The following CRIM1 variants were observed in gnomAD, a reference collection of about 807,000 sequenced individuals.
CRIM1 encodes cysteine rich transmembrane BMP regulator 1.
A neutral mutation model predicts 116.4 loss-of-function variants in CRIM1; 32 were observed. The ratio of observed to expected loss-of-function variants is 0.27; its 90% CI spans 0.21 to 0.37. CRIM1 has a LOEUF of 0.37. Ranked by LOEUF, CRIM1 falls within the 10% of genes least tolerant of loss-of-function variation. The pLI, the probability that CRIM1 is intolerant of heterozygous loss-of-function variation, is 1.00. For synonymous variants in CRIM1, 590 were observed against 509.2 expected (o/e 1.16, Z -2.13); for missense variants, 1,331 against 1,354.8 (o/e 0.98, Z 0.28).
intron 6 of CRIM1, 36 bp from the exon 7 acceptor site, chr2:36,479,461 T>C (rs777708693): frequency 6.3e-7 from 1 of 1,593,614 alleles, no homozygotes; most frequent in Non-Finnish European, 8.6e-7. Context: ...ATTTAGAAGA[T>C]GCTCAGTCTA....
chr2:36,457,673 G>A, intron 4 of CRIM1, among the ~76,000 whole-genome samples: 1 of 152,070 alleles, frequency 6.6e-6, no homozygotes, highest in Non-Finnish European at 1.5e-5. Context: ...AACTTTCATA[G>A]GGAGGAGTGC....
chr2:36,517,369 T>G lies in CRIM1; in HGVS notation c.2033T>G (p.Ile678Ser). 6.2e-7 allele frequency: 1 copy of G among 1,614,180 alleles called. No individual in the cohort carries two copies. The highest frequency in any genetic ancestry group is 8.5e-7 in the Non-Finnish European group (1 of 1,180,016). ...AAGCCAGAGCTCAGTACTCCCTCCATTTGCCACGCCCCTGGAGGAGAATAC... is the reference window on the plus strand; with the variant it reads ...AAGCCAGAGCTCAGTACTCCCTCCAGTTGCCACGCCCCTGGAGGAGAATAC... Reference protein sequence around the residue: ...VQKPELSTPSICHAPGGEYFV... With the variant: ...VQKPELSTPSSCHAPGGEYFV... The change falls in exon 12 of 17, where the codon ATT becomes AGT. Residue 678 changes from isoleucine to serine, a missense_variant. By Grantham distance (142) the Ile-to-Ser change is moderately radical (BLOSUM62 -2). Coordinates refer to ENST00000280527, the MANE Select transcript of CRIM1 (RefSeq NM_016441.3).
rs937919482 is a variant in CRIM1 at position 36,430,247 on chromosome 2, G to T, written c.506-11011G>T. On this transcript the variant is annotated intron_variant, in intron 2 of 16. Transcript: ENST00000280527. ...GGCTGAACCCCATCTTGCCCTGGAA[G>T]ATGGCTTTGAGCCAGAAGCCAAGCC... is the stretch of plus-strand genomic sequence containing the variant. Among the ~76,000 whole-genome samples the T allele has an allele frequency of 2.0e-5, 3 of 152,298 alleles. No individual in the cohort carries two copies. The South Asian group carries it at 6.2e-4, about 32-fold the overall frequency.
intron 12 of CRIM1, among the ~76,000 whole-genome samples, chr2:36,518,555 G>A (rs76531778): frequency 6.6e-6 from 1 of 152,166 alleles, no homozygotes; most frequent in Non-Finnish European, 1.5e-5. Flanking sequence ...TGAACTTATA[G>A]GGATAGCCAC....
chr2:36,417,391 T>TG (rs1245401849), intron 2 of CRIM1, among the ~76,000 whole-genome samples: 2 of 152,228 alleles, frequency 1.3e-5, no homozygotes, highest in East Asian at 3.8e-4. Flanking sequence ...ACTCACCTGT[T>TG]TACCAATTTA....
At chr2:36,473,272 G>A (rs980980007) in intron 5 of CRIM1, among the ~76,000 whole-genome samples, 5 of 152,126 alleles carry the variant, frequency 3.3e-5, no homozygotes, top group African/African-American at 7.2e-5. Context: ...GAAAGATGGG[G>A]ATATCATCAT....
Position 36,544,433 on chromosome 2 carries a change from A to G in CRIM1, c.2681A>G (p.Glu894Gly). Reference sequence around the variant, plus strand: ...ATTGAGAAGACAAACCATCGAGGAGAGGTTGACCTGGAGGTTCCCCTGTGG... The same window carrying G: ...ATTGAGAAGACAAACCATCGAGGAGGGGTTGACCTGGAGGTTCCCCTGTGG... ...IPIEKTNHRG[E>G]VDLEVPLWPT... The change falls in exon 15 of 17, where the codon GAG becomes GGG. Residue 894 changes from glutamate (E) to glycine (G), a missense_variant. By Grantham distance (98) the Glu-to-Gly change is moderately conservative. This residue lies in a region of CRIM1 where 283 missense variants were observed against 242.8 expected (regional missense o/e 1.17). Transcript: ENST00000280527. The G allele has an allele frequency of 7.0e-7, 1 of 1,430,170 alleles. No homozygotes were observed. The allele number at this position is 1,430,170 out of a possible 1,614,324, so 88.6% of individuals were successfully genotyped here.
intron 4 of CRIM1, among the ~76,000 whole-genome samples, chr2:36,450,770 T>C (rs1283498576): frequency 1.3e-5 from 2 of 152,376 alleles, no homozygotes; most frequent in African/African-American, 2.4e-5. Flanking sequence ...TTGCTTTCAC[T>C]ATAACATCTA....
At chr2:36,362,035 C>A (rs1422690034) in intron 1 of CRIM1, among the ~76,000 whole-genome samples, 1 of 152,122 alleles carries the variant, frequency 6.6e-6, no homozygotes, top group Non-Finnish European at 1.5e-5. Context: ...ACAAGGCCTT[C>A]TGCTGGGGTG....
chr2:36,369,624 A>G (rs1669816184), intron 1 of CRIM1, among the ~76,000 whole-genome samples: 1 of 152,202 alleles, frequency 6.6e-6, no homozygotes, highest in African/African-American at 2.4e-5. Context: ...ATGAAATGTT[A>G]TATGTAATAT....
chr2:36,387,367 C>T (rs1374604266), intron 1 of CRIM1, among the ~76,000 whole-genome samples: 2 of 152,170 alleles, frequency 1.3e-5, no homozygotes, highest in Admixed American at 6.5e-5. Flanking sequence ...TGTTTGATAA[C>T]TGAAAATTGA....
chr2:36,525,708 C>A (rs1044366101), intron 13 of CRIM1, among the ~76,000 whole-genome samples: 5 of 152,150 alleles, frequency 3.3e-5, no homozygotes, highest in Non-Finnish European at 7.4e-5. Context: ...CAGTGCTGAC[C>A]TCACCTTGGC....
Position 36,429,744 on chromosome 2 carries a change from C to T in CRIM1, c.506-11514C>T, listed in dbSNP as rs145767470. On this transcript the variant is annotated intron_variant, in intron 2 of 16. Coordinates refer to ENST00000280527, the MANE Select transcript of CRIM1 (RefSeq NM_016441.3). ...CAGGAGCCTGTGAATTTGTTAGAAG[C>T]ACACATCCTGAGGCTTCACCCAAGA... Among the ~76,000 whole-genome samples, 13 of 152,306 alleles carry T rather than the reference C, an allele frequency of 8.5e-5. No individual in the cohort carries two copies. The East Asian group carries it at 2.5e-3, about 29-fold the overall frequency.
At chr2:36,381,118 C>A (rs953673714) in intron 1 of CRIM1, among the ~76,000 whole-genome samples, 3 of 152,046 alleles carry the variant, frequency 2.0e-5, no homozygotes, top group Non-Finnish European at 4.4e-5. Context: ...CCCGCCCCTA[C>A]CCCCCACACA....
intron 13 of CRIM1, among the ~76,000 whole-genome samples, chr2:36,536,016 A>G (rs1161852376): frequency 6.6e-6 from 1 of 152,186 alleles, no homozygotes; most frequent in Non-Finnish European, 1.5e-5. Context: ...CAGTCTCCCA[A>G]GGGACAATTG....
Position 36,476,892 on chromosome 2 carries a change from C to A in CRIM1, c.995C>A (p.Thr332Lys). The change falls in exon 6 of 17, where the codon ACA becomes AAA. Residue 332 changes from threonine to lysine, a missense_variant. Coordinates refer to ENST00000280527, the MANE Select transcript of CRIM1 (RefSeq NM_016441.3). ...CCDVFECVND[T>K]KPACVFNNVE... is the part of the protein sequence containing the mutation. ...TGTTTGTTTTAACTCTTTTCAGATA[C>A]AAAGCCAGCCTGCGTATTTAACAAT... 4 of 1,609,150 alleles carry A rather than the reference C, an allele frequency of 2.5e-6. No individual in the cohort carries two copies. Among genetic ancestry groups the A allele is most frequent in the Non-Finnish European group, 3.4e-6 (4 of 1,177,592 alleles).
At chr2:36,393,455 C>G (rs539259837) in intron 1 of CRIM1, among the ~76,000 whole-genome samples, 2 of 151,898 alleles carry the variant, frequency 1.3e-5, no homozygotes, top group East Asian at 3.9e-4. Context: ...CTGCATTGAC[C>G]ATACCAGTGA....
chr2:36,426,014 A>G (rs1287550036), intron 2 of CRIM1, among the ~76,000 whole-genome samples: 1 of 152,230 alleles, frequency 6.6e-6, no homozygotes. Context: ...TCACATATGT[A>G]GGAAGTCATG....
At chr2:36,405,128 T>C (rs1010087686) in intron 2 of CRIM1, among the ~76,000 whole-genome samples, 1 of 152,198 alleles carries the variant, frequency 6.6e-6, no homozygotes, top group Non-Finnish European at 1.5e-5. Flanking sequence ...GAAAGAAATA[T>C]TATGCCATTT....
Sources: allele counts gnomAD v4.1 joint callset (sites outside exome capture counted in the v4.1 genomes callset), GRCh38; gene constraint gnomAD v4.1.1; regional missense constraint gnomAD v4.1.1; transcripts MANE v1.5; gene names NCBI Gene and HGNC (gene_info 2026-07-23, HGNC 2026-07-21).